The following ZNF106 variants were observed in gnomAD, a reference collection of about 807,000 sequenced individuals.
ZNF106 encodes the protein zinc finger protein 106.
A neutral mutation model predicts 195.1 loss-of-function variants in ZNF106; 67 were observed. That is an observed-to-expected ratio of 0.34 (90% CI 0.28 to 0.42). The LOEUF is 0.42. Ranked by LOEUF, ZNF106 falls within the 10% of genes least tolerant of loss-of-function variation. The pLI is 1.00. For missense variants in ZNF106, 2,118 were observed against 2,304.5 expected, an observed-to-expected ratio of 0.92 and a Z score of 1.66; for synonymous variants, 784 against 818.6, an observed-to-expected ratio of 0.96 and a Z score of 0.72.
In ZNF106 at chr15:42,448,305, T is replaced by A; in HGVS notation, c.2902A>T (p.Ile968Leu). 6.2e-7 allele frequency: 1 copy of A among 1,614,216 alleles called. No individual in the cohort carries two copies. Among genetic ancestry groups the A allele is most frequent in the Non-Finnish European group, 8.5e-7 (1 of 1,180,030 alleles). The change falls in exon 6 of 22, where the codon ATA (isoleucine) becomes TTA (leucine). Residue 968 changes from isoleucine to leucine, a missense_variant. By Grantham distance (5) the Ile-to-Leu change is conservative. Coordinates refer to ENST00000564754, the MANE Select transcript of ZNF106 (RefSeq NM_001366845.3). ...RHSAQLSSDH[I>L]IPLMHLAKDL... is the part of the protein sequence containing the mutation. ...TTTGCCAAATGCATCAAAGGTATTATATGGTCAGAGGATAATTGTGCACTA... is the reference window on the plus strand; with the variant it reads ...TTTGCCAAATGCATCAAAGGTATTAAATGGTCAGAGGATAATTGTGCACTA...
intron 13 of ZNF106, 51 bp downstream of exon 13, chr15:42,437,181 G>C (rs747274208): frequency 1.8e-5 from 28 of 1,566,336 alleles, no homozygotes; most frequent in Non-Finnish European, 2.1e-5. Flanking sequence ...GTATAAACTG[G>C]ATTTTCCAAA....
chr15:42,452,934 C>G (rs893242112), intron 4 of ZNF106, among the ~76,000 whole-genome samples: 1 of 152,098 alleles, frequency 6.6e-6, no homozygotes, highest in Non-Finnish European at 1.5e-5. Context: ...AATCCACCCA[C>G]CGCGGCCTCC....
intron 14 of ZNF106, among the ~76,000 whole-genome samples, chr15:42,434,897 C>T (rs145717769): frequency 1.3e-5 from 2 of 152,022 alleles, no homozygotes; most frequent in Non-Finnish European, 1.5e-5. Flanking sequence ...CCTCAGCCTC[C>T]CAAGTAGCTG....
At chr15:42,473,007 GAA>G in intron 1 of ZNF106, among the ~76,000 whole-genome samples, 1 of 88,398 alleles carries the variant, frequency 1.1e-5, no homozygotes, top group African/African-American at 3.8e-5. Flanking sequence ...CTCCAACTTT[GAA>G]AAAAAAAAAA....
intron 16 of ZNF106, 180 bp downstream of exon 16, chr15:42,424,654 T>C: frequency 3.4e-6 from 2 of 588,292 alleles, no homozygotes; most frequent in Admixed American, 3.1e-5. Context: ...AATTTTTGTA[T>C]TTTTTTGTAG....
chr15:42,442,906 C>T (rs1243799628), intron 9 of ZNF106, among the ~76,000 whole-genome samples: 2 of 152,118 alleles, frequency 1.3e-5, no homozygotes, highest in Non-Finnish European at 1.5e-5. Flanking sequence ...GCCTCAGCGT[C>T]CTGAGTAGCT....
chr15:42,469,667 C>T (rs2056617292), intron 2 of ZNF106, among the ~76,000 whole-genome samples: 1 of 151,728 alleles, frequency 6.6e-6, no homozygotes, highest in Non-Finnish European at 1.5e-5. Context: ...CCTAATAAGA[C>T]ATCATCCCTA....
Position 42,458,575 on chromosome 15 carries a change from G to A in ZNF106, c.117-1417C>T, listed in dbSNP as rs180922409. ...ATACAAAAATTAGCCTGGTGTGGTG[G>A]TGTGCACCTGTATTCCCAGCTATTC... is the stretch of plus-strand genomic sequence containing the variant. On this transcript the variant is annotated intron_variant, in intron 3 of 21. Coordinates refer to ENST00000564754, the MANE Select transcript of ZNF106 (RefSeq NM_001366845.3). Among the ~76,000 whole-genome samples the A allele has an allele frequency of 2.0e-3, 297 of 152,078 alleles. 1 individual carries two copies. Among genetic ancestry groups the A allele is most frequent in the African/African-American group, 6.9e-3 (286 of 41,494 alleles).
At chr15:42,421,312 C>T (rs912580022) in intron 19 of ZNF106, among the ~76,000 whole-genome samples, 180 bp from the exon 20 acceptor site, 3 of 152,166 alleles carry the variant, frequency 2.0e-5, no homozygotes, top group Non-Finnish European at 4.4e-5. Flanking sequence ...AGGTATTTTG[C>T]AGCTGTGCTC....
chr15:42,432,343 G>A (rs373840693), intron 14 of ZNF106, among the ~76,000 whole-genome samples: 1 of 151,820 alleles, frequency 6.6e-6, no homozygotes, highest in Non-Finnish European at 1.5e-5. Flanking sequence ...ATTTTTTGTG[G>A]AGACGGGATC....
intron 7 of ZNF106, among the ~76,000 whole-genome samples, chr15:42,446,066 G>A (rs1347760855): frequency 6.6e-6 from 1 of 152,120 alleles, no homozygotes; most frequent in African/African-American, 2.4e-5. Flanking sequence ...GAAACTTCCT[G>A]GCTTTATATT....
At chr15:42,479,962 T>C (rs548512063) in intron 1 of ZNF106, among the ~76,000 whole-genome samples, 1 of 152,292 alleles carries the variant, frequency 6.6e-6, no homozygotes, top group South Asian at 2.1e-4. Context: ...CAATCTTTCC[T>C]ACATCAGCCT....
rs766103612 is a variant in ZNF106, at chr15:42,444,991, G to T, written c.3206-10C>A. The T allele has an allele frequency of 1.2e-6, 2 of 1,613,826 alleles. No homozygotes were observed. The highest frequency in any genetic ancestry group is 1.3e-5 in the African/African-American group (1 of 74,916). ...TCAACCTGAGAACGTTCTGCCAAAA[G>T]AAATCATAAGGTTCAGGTTAATACG... On this transcript the variant is annotated splice_polypyrimidine_tract_variant and intron_variant, in intron 7 of 21. Coordinates refer to ENST00000564754, the MANE Select transcript of ZNF106 (RefSeq NM_001366845.3).
chr15:42,490,005 C>A (rs2057110080), intron 1 of ZNF106, among the ~76,000 whole-genome samples: 1 of 152,094 alleles, frequency 6.6e-6, no homozygotes, highest in African/African-American at 2.4e-5. Context: ...CGCCACTGCA[C>A]TCCAGCCTGG....
intron 14 of ZNF106, among the ~76,000 whole-genome samples, chr15:42,434,278 G>A (rs1023957603): frequency 2.0e-5 from 3 of 152,136 alleles, no homozygotes; most frequent in Non-Finnish European, 4.4e-5. Flanking sequence ...CCTGACCTCA[G>A]GAGTTCAAAA....
intron 4 of ZNF106, among the ~76,000 whole-genome samples, chr15:42,454,907 A>C (rs947217360): frequency 6.6e-6 from 1 of 152,088 alleles, no homozygotes; most frequent in Non-Finnish European, 1.5e-5. Flanking sequence ...TCAAAAAAAA[A>C]AAAGAAGTAG....
intron 14 of ZNF106, among the ~76,000 whole-genome samples, chr15:42,431,751 G>C (rs1311931548): frequency 6.6e-6 from 1 of 152,000 alleles, no homozygotes; most frequent in African/African-American, 2.4e-5. Flanking sequence ...TGGGATTACA[G>C]GCATTAAGCC....
At chr15:42,457,403 AG>A (rs1314453720) in intron 3 of ZNF106, 2 of 1,377,864 alleles carry the variant, frequency 1.5e-6, no homozygotes, top group Non-Finnish European at 1.9e-6. Flanking sequence ...GTCGTTTAGG[AG>A]GAGAAATCTT....
At chr15:42,453,652 A>C (rs569302309) in intron 4 of ZNF106, among the ~76,000 whole-genome samples, 10 of 151,428 alleles carry the variant, frequency 6.6e-5, no homozygotes, top group Admixed American at 2.0e-4. Flanking sequence ...CTGGAGTGCA[A>C]TGGCACGATC....
Sources: gnomAD v4.1 joint callset for allele counts (sites outside exome capture counted in the v4.1 genomes callset) on GRCh38, gnomAD v4.1.1 for gene constraint, MANE v1.5 for transcripts, NCBI Gene and HGNC (gene_info 2026-07-23, HGNC 2026-07-21) for gene names.